The following TJP3 variants were observed in gnomAD, a reference collection of about 807,000 sequenced individuals.
TJP3 encodes tight junction protein 3, also known as tight junction protein ZO-3.
Under a neutral mutation model 104.2 loss-of-function variants are expected in TJP3, and 85 were observed. The ratio of observed to expected loss-of-function variants is 0.82; its 90% confidence interval spans 0.68 to 0.98. The LOEUF is 0.98. TJP3 is among the 50% of genes least tolerant of loss of function. The probability of loss-of-function intolerance (pLI) is 0.00; values close to 1 mark genes in which losing one functional copy is unlikely to be tolerated. For missense variants in TJP3, 1,367 were observed against 1,322.8 expected (o/e 1.03, Z -0.52); for synonymous variants, 550 against 550.6 (o/e 1.00, Z 0.02).
intron 1 of TJP3, among the ~76,000 whole-genome samples, chr19:3,709,138 G>A (rs534178450): frequency 2.0e-5 from 3 of 152,034 alleles, no homozygotes; most frequent in South Asian, 2.1e-4. Flanking sequence ...TTTTTGAGAC[G>A]GAGTTTTGCT....
At chr19:3,731,887 C>T (rs1216021926) in intron 5 of TJP3, 48 bp from the exon 6 acceptor site, 2 of 1,530,254 alleles carry the variant, frequency 1.3e-6, no homozygotes, top group Admixed American at 1.7e-5. Flanking sequence ...TGCTCCCAGG[C>T]ACCCGTCTCC....
chr19:3,734,043 A>C (rs2036705554), intron 7 of TJP3, 131 bp downstream of exon 7: 2 of 1,240,506 alleles, frequency 1.6e-6, no homozygotes, highest in African/African-American at 3.0e-5. Context: ...AACTTGCTGA[A>C]GGCCACACAG....
At chr19:3,721,011 G>A (rs900231668) in intron 1 of TJP3, among the ~76,000 whole-genome samples, 3 of 146,376 alleles carry the variant, frequency 2.0e-5, no homozygotes, top group Admixed American at 7.1e-5. Context: ...GGGTTCAACC[G>A]ATTCTCCTTC....
chr19:3,725,275 C>CCAAT (rs969318990), intron 1 of TJP3, among the ~76,000 whole-genome samples: 2 of 149,956 alleles, frequency 1.3e-5, no homozygotes, highest in Non-Finnish European at 3.0e-5. Context: ...AACCAAACAA[C>CCAAT]CAATCAACCA....
chr19:3,730,112 C>T lies in TJP3; in HGVS notation c.243C>T (p.Cys81=). Residue 81 remains cysteine, a synonymous_variant, in exon 4 of 21, where the codon TGC becomes TGT. Coordinates refer to ENST00000541714, the MANE Select transcript of TJP3 (RefSeq NM_001267560.2). This position sits in a 1 kb window ranked among gnomAD's most constrained non-coding sequence, Gnocchi z 7.3. The part of the protein sequence containing the change: ...SAFAIQILKT[C]TKMANITVKR... The stretch of plus-strand genomic sequence containing the variant: ...TTGCCATTCAGATACTCAAGACCTG[C>T]ACCAAGATGGCCAACATCGTGAGTA... 1 of 1,614,146 alleles carries T rather than the reference C, an allele frequency of 6.2e-7. No homozygotes were observed. Among genetic ancestry groups the T allele is most frequent in the Non-Finnish European group, 8.5e-7 (1 of 1,180,008 alleles).
chr19:3,750,549 C>T (rs771732093), intron 20 of TJP3, 33 bp from the exon 21 acceptor site: 4 of 1,542,948 alleles, frequency 2.6e-6, no homozygotes, highest in Non-Finnish European at 3.5e-6. Context: ...ACCCTTCCCA[C>T]CCACAGCATC....
chr19:3,738,806 C>A (rs965843291), intron 12 of TJP3, 91 bp from the exon 13 acceptor site: 6 of 1,384,814 alleles, frequency 4.3e-6, no homozygotes, highest in Non-Finnish European at 5.0e-6. Flanking sequence ...GGGAGAGTGC[C>A]CCAAATCTCC....
intron 14 of TJP3, chr19:3,743,636 TAAA>T (rs2036849841): frequency 3.4e-6 from 1 of 292,728 alleles, no homozygotes; most frequent in Admixed American, 4.8e-5. Flanking sequence ...GTTCAACTGC[TAAA>T]AAGAGACCCT....
At chr19:3,719,228 T>A (rs1402634413) in intron 1 of TJP3, among the ~76,000 whole-genome samples, 1 of 146,904 alleles carries the variant, frequency 6.8e-6, no homozygotes, top group Non-Finnish European at 1.5e-5. Flanking sequence ...AAAATGATTT[T>A]TTGCGCCACC....
At chr19:3,721,667 G>A (rs1436419845) in intron 1 of TJP3, 2 of 341,446 alleles carry the variant, frequency 5.9e-6, no homozygotes, top group Non-Finnish European at 5.3e-6. Context: ...AACCTCCGCC[G>A]CGTCCAGGGG....
intron 1 of TJP3, among the ~76,000 whole-genome samples, chr19:3,712,009 T>A (rs902392272): frequency 7.9e-5 from 12 of 151,800 alleles, no homozygotes; most frequent in Non-Finnish European, 1.3e-4. Flanking sequence ...TGCCTGTGTG[T>A]GTGTGTTCTT....
rs549831017 is a variant in TJP3 at position 3,745,133 on chromosome 19, CTTTTTTTTTTTTTTTTTT to C, written c.1940-865_1940-848del. The stretch of plus-strand genomic sequence containing the variant: ...TTAAAAAAAGATGCAAATTTTATGT[CTTTTTTTTTTTTTTTTTT>C]TTTTTTTTTTTTGCATCAGAGTCTT... On this transcript the variant is annotated intron_variant, in intron 15 of 20. Transcript: ENST00000541714. 5.4e-4 allele frequency among the ~76,000 whole-genome samples: 38 copies of C among 70,046 alleles called. 2 individuals are homozygous for C. Among genetic ancestry groups the C allele is most frequent in the African/African-American group, 2.0e-3 (31 of 15,858 alleles). The allele number at this position is 70,046 out of a possible 152,430, so 46.0% of individuals were successfully genotyped here.
chr19:3,721,282 C>T (rs1298217072), intron 1 of TJP3, among the ~76,000 whole-genome samples: 1 of 152,156 alleles, frequency 6.6e-6, no homozygotes, highest in Non-Finnish European at 1.5e-5. Flanking sequence ...GGCACGCAGC[C>T]GCTGTTGTAT....
At chr19:3,735,503 A>G in intron 8 of TJP3, 63 bp from the exon 9 acceptor site, 1 of 1,566,142 alleles carries the variant, frequency 6.4e-7, no homozygotes, top group Non-Finnish European at 8.8e-7. Context: ...CCGGCCTAAA[A>G]TTCTTTTTAA....
chr19:3,718,330 G>A (rs546768010), intron 1 of TJP3, among the ~76,000 whole-genome samples: 40 of 147,760 alleles, frequency 2.7e-4, no homozygotes, highest in South Asian at 8.9e-4. Flanking sequence ...AGATCCTCCC[G>A]CCTCGGCCTT....
intron 1 of TJP3, among the ~76,000 whole-genome samples, chr19:3,716,788 T>TATATATATAC (rs1280972290): frequency 1.5e-5 from 1 of 66,486 alleles, no homozygotes; most frequent in African/African-American, 5.1e-5. Context: ...TACATATATA[T>TATATATATAC]ATATATATAT....
Position 3,731,997 on chromosome 19 carries a change from G to T in TJP3, c.676G>T (p.Ala226Ser), listed in dbSNP as rs374421185. 40 of 1,613,326 alleles carry T rather than the reference G, an allele frequency of 2.5e-5. No individual in the cohort carries two copies. Among genetic ancestry groups the T allele is most frequent in the Non-Finnish European group, 3.1e-5 (37 of 1,179,842 alleles). The change falls in exon 6 of 21, where the codon GCC becomes TCC. Residue 226 changes from alanine (A) to serine (S), a missense_variant. Coordinates refer to ENST00000541714, the MANE Select transcript of TJP3 (RefSeq NM_001267560.2). Reference protein sequence around the residue: ...IKHITDSGLAARHRGLQEGDL... With the variant: ...IKHITDSGLASRHRGLQEGDL... ...GCACATTACAGATTCGGGCCTGGCT[G>T]CCCGGCACCGTGGGCTGCAGGAAGG...
chr19:3,729,946 G>C (rs1256223752), intron 3 of TJP3, 82 bp from the exon 4 acceptor site: 1 of 1,136,690 alleles, frequency 8.8e-7, no homozygotes, highest in African/African-American at 1.5e-5. Context: ...GAGGTTCCAG[G>C]GGCACCCCCT....
chr19:3,718,464 T>A (rs1054789626), intron 1 of TJP3, among the ~76,000 whole-genome samples: 2 of 150,346 alleles, frequency 1.3e-5, no homozygotes, highest in Non-Finnish European at 3.0e-5. Flanking sequence ...GGTTTTTTTT[T>A]TTTGGGGTGG....
Sources: gnomAD v4.1 joint callset for allele counts (sites outside exome capture counted in the v4.1 genomes callset) on GRCh38, gnomAD v4.1.1 for gene constraint, Gnocchi (gnomAD v3.1) non-coding constraint, MANE v1.5 for transcripts, NCBI Gene and HGNC (gene_info 2026-07-23, HGNC 2026-07-21) for gene names.